PTPRD: variants seen among roughly 807,000 people sequenced by gnomAD.
PTPRD encodes receptor-type tyrosine-protein phosphatase delta.
PTPRD carries 34 observed loss-of-function variants against 214.5 expected under a neutral mutation model. The observed-to-expected ratio is 0.16, with a 90% CI of 0.12 to 0.21. PTPRD has a LOEUF of 0.21. PTPRD is among the 10% of genes least tolerant of loss of function. The pLI, the probability that PTPRD is intolerant of heterozygous loss-of-function variation, is 1.00. For synonymous variants in PTPRD, 1,128 were observed against 845.7 expected, an observed-to-expected ratio of 1.33 and a Z score of -5.79; for missense variants, 2,545 against 2,398.7, an observed-to-expected ratio of 1.06 and a Z score of -1.27.
intron 11 of PTPRD, among the ~76,000 whole-genome samples, chr9:8,750,216 G>C (rs1439959483): frequency 6.6e-6 from 1 of 151,978 alleles, no homozygotes; most frequent in Non-Finnish European, 1.5e-5. Context: ...GGAGTGCCTT[G>C]GCAGGATCTC....
chr9:10,554,935 C>A (rs2062160516), intron 2 of PTPRD, among the ~76,000 whole-genome samples: 1 of 152,136 alleles, frequency 6.6e-6, no homozygotes, highest in African/African-American at 2.4e-5. Flanking sequence ...GCTGGGATTA[C>A]AGGCGTGAGC....
At chr9:8,528,334 C>A in intron 15 of PTPRD, 1 of 487,742 alleles carries the variant, frequency 2.1e-6, no homozygotes, top group East Asian at 3.3e-5. Flanking sequence ...TAAAAAATTA[C>A]CAAAAATACA....
intron 3 of PTPRD, among the ~76,000 whole-genome samples, chr9:10,236,977 G>C (rs867947589): frequency 6.6e-6 from 1 of 151,910 alleles, no homozygotes; most frequent in Non-Finnish European, 1.5e-5. Context: ...TTTTAGAGCA[G>C]TGAGAATATT....
intron 11 of PTPRD, among the ~76,000 whole-genome samples, chr9:8,956,403 T>G (rs915036167): frequency 6.6e-6 from 1 of 151,950 alleles, no homozygotes; most frequent in African/African-American, 2.4e-5. Flanking sequence ...TTACATTGTC[T>G]TTTTTCCTGT....
At chr9:10,075,960 CA>C (rs2098126220) in intron 3 of PTPRD, among the ~76,000 whole-genome samples, 1 of 152,014 alleles carries the variant, frequency 6.6e-6, no homozygotes, top group Non-Finnish European at 1.5e-5. Context: ...CATGGAGTAG[CA>C]AAAATATTCT....
At chr9:10,507,704 G>A (rs911033637) in intron 2 of PTPRD, among the ~76,000 whole-genome samples, 1 of 151,912 alleles carries the variant, frequency 6.6e-6, no homozygotes, top group Non-Finnish European at 1.5e-5. Context: ...GGGGAAAGGA[G>A]TCGCTATTTA....
intron 4 of PTPRD, among the ~76,000 whole-genome samples, chr9:9,970,215 C>T (rs2094992876): frequency 6.6e-6 from 1 of 151,934 alleles, no homozygotes; most frequent in African/African-American, 2.4e-5. Flanking sequence ...CTTTGGGAGG[C>T]CGAGGTGGGC....
At chr9:9,317,728 C>T (rs1964057996) in intron 9 of PTPRD, among the ~76,000 whole-genome samples, 1 of 152,012 alleles carries the variant, frequency 6.6e-6, no homozygotes, top group South Asian at 2.1e-4. Flanking sequence ...AAAGTAAAAA[C>T]TTATTTACCT....
At chr9:8,324,184 G>A (rs75784060) in intron 44 of PTPRD, among the ~76,000 whole-genome samples, 15,173 of 151,612 alleles carry the variant, frequency 0.1, 886 homozygotes, top group African/African-American at 0.14. Context: ...ATGCACCAGG[G>A]TGGTTTACTG....
chr9:9,146,368 G>A (rs1187130151), intron 10 of PTPRD, among the ~76,000 whole-genome samples: 1 of 151,992 alleles, frequency 6.6e-6, no homozygotes, highest in Non-Finnish European at 1.5e-5. Context: ...TTTACATAGG[G>A]TATCATTTTA....
intron 8 of PTPRD, among the ~76,000 whole-genome samples, chr9:9,546,275 A>G (rs2078792057): frequency 6.7e-6 from 1 of 150,332 alleles, no homozygotes; most frequent in Non-Finnish European, 1.5e-5. Context: ...GTCATCTGAG[A>G]AAAAAAAATA....
At position 10,515,276 on chromosome 9, in the gene PTPRD, G is replaced by C. The variant is rs180763769; in HGVS notation, c.-600+97122C>G. Among the ~76,000 whole-genome samples, 767 of 152,066 alleles carry C rather than the reference G, an allele frequency of 5.0e-3. 7 individuals carry two copies. The highest frequency in any genetic ancestry group is 7.9e-3 in the Non-Finnish European group (538 of 67,844). ...TCTCATGAACTATGAGAAAAGAAGA[G>C]AAATATAAATTTTTTATGCTCCATG... On this transcript the variant is annotated intron_variant, in intron 2 of 45. Transcript: ENST00000381196.
intron 10 of PTPRD, among the ~76,000 whole-genome samples, chr9:9,058,814 C>G (rs1402713055): frequency 6.6e-6 from 1 of 151,928 alleles, no homozygotes; most frequent in Admixed American, 6.6e-5. Context: ...AAAAACATGT[C>G]ATAAAGTAAC....
intron 11 of PTPRD, among the ~76,000 whole-genome samples, chr9:8,809,706 C>T (rs1566244425): frequency 6.6e-6 from 1 of 152,278 alleles, no homozygotes; most frequent in South Asian, 2.1e-4. Flanking sequence ...AAGGTTTACT[C>T]TGCGTACAAA....
chr9:10,462,262 A>G (rs990491752), intron 2 of PTPRD, among the ~76,000 whole-genome samples: 1 of 152,174 alleles, frequency 6.6e-6, no homozygotes, highest in Non-Finnish European at 1.5e-5. Context: ...TAAGGAATTC[A>G]TGTAGAAATA....
At chr9:9,755,515 T>A (rs2098559253) in intron 6 of PTPRD, among the ~76,000 whole-genome samples, 1 of 152,052 alleles carries the variant, frequency 6.6e-6, no homozygotes, top group Non-Finnish European at 1.5e-5. Flanking sequence ...CTGCTTAAGG[T>A]TCACAATCAG....
intron 5 of PTPRD, among the ~76,000 whole-genome samples, chr9:9,912,743 T>C (rs1044975978): frequency 1.3e-5 from 2 of 152,206 alleles, no homozygotes; most frequent in African/African-American, 2.4e-5. Flanking sequence ...ATAACCCAAG[T>C]TGAGAATGAT....
In PTPRD at chr9:8,330,730, A is replaced by G. The variant is rs369846281; in HGVS notation, c.5534+852T>C. On this transcript the variant is annotated intron_variant, in intron 44 of 45. Transcript: ENST00000381196. The stretch of plus-strand genomic sequence containing the variant: ...ATAGAATTGAGATTAGAACACAGCT[A>G]TCTTAGCCCAAGTCTAATATTTGTC... Among the ~76,000 whole-genome samples, 113 of 152,272 alleles carry G rather than the reference A, an allele frequency of 7.4e-4. 1 individual carries two copies. The South Asian group carries it at 0.021, about 28-fold the overall frequency.
At chr9:9,138,509 A>G (rs980638567) in intron 10 of PTPRD, among the ~76,000 whole-genome samples, 2 of 152,156 alleles carry the variant, frequency 1.3e-5, no homozygotes, top group Non-Finnish European at 2.9e-5. Flanking sequence ...TTCTGTAATT[A>G]TTTTAAAGGT....
Sources: allele counts gnomAD v4.1 joint callset (sites outside exome capture counted in the v4.1 genomes callset), GRCh38; gene constraint gnomAD v4.1.1; transcripts MANE v1.5; gene names NCBI Gene and HGNC (gene_info 2026-07-23, HGNC 2026-07-21).